The following RGL1 variants were observed in gnomAD, a reference collection of about 807,000 sequenced individuals.
RGL1 encodes the protein ral guanine nucleotide dissociation stimulator-like 1.
In RGL1, 24 loss-of-function variants were observed where a neutral mutation model predicts 95.2. The ratio of observed to expected loss-of-function variants is 0.25; its 90% CI spans 0.18 to 0.35. The LOEUF (loss-of-function observed/expected upper bound fraction) is 0.35. RGL1 is among the 10% of genes least tolerant of loss of function. RGL1 has a pLI of 1.00. For synonymous variants in RGL1, 329 were observed against 344.9 expected, an observed-to-expected ratio of 0.95 and a Z score of 0.51; for missense variants, 715 against 936.3, an observed-to-expected ratio of 0.76 and a Z score of 3.08.
At chr1:183,677,064 T>TTA (rs1280287717) in intron 1 of RGL1, among the ~76,000 whole-genome samples, 1 of 151,854 alleles carries the variant, frequency 6.6e-6, no homozygotes, top group African/African-American at 2.4e-5. Flanking sequence ...AATAGTGTGA[T>TTA]TATATGTCCC....
intron 1 of RGL1, among the ~76,000 whole-genome samples, chr1:183,692,719 A>G (rs973323414): frequency 1.5e-4 from 22 of 151,708 alleles, no homozygotes; most frequent in African/African-American, 5.4e-4. Context: ...TGGAACAAAC[A>G]ACAATCTATT....
At chr1:183,831,213 AT>A (rs1248670347) in intron 2 of RGL1, among the ~76,000 whole-genome samples, 1 of 152,116 alleles carries the variant, frequency 6.6e-6, no homozygotes, top group Non-Finnish European at 1.5e-5. Flanking sequence ...GTACTGCCCA[AT>A]GAAAAGAAGG....
chr1:183,817,657 G>A (rs1409901011), intron 2 of RGL1, among the ~76,000 whole-genome samples: 1 of 152,162 alleles, frequency 6.6e-6, no homozygotes, highest in African/African-American at 2.4e-5. Flanking sequence ...ACTCAGAGCT[G>A]TAACTGAAAA....
intron 9 of RGL1, 147 bp from the exon 10 acceptor site, chr1:183,897,661 T>C: frequency 1.7e-6 from 1 of 581,320 alleles, no homozygotes; most frequent in Non-Finnish European, 3.1e-6. Context: ...ATATACATCG[T>C]GAGAGCCTGC....
At chr1:183,801,180 TAA>T (rs1660972725), upstream of RGL1, among the ~76,000 whole-genome samples, 1 of 150,962 alleles carries the variant, frequency 6.6e-6, no homozygotes, top group Non-Finnish European at 1.5e-5. Context: ...TGTGTGTGTT[TAA>T]TAATGGCCAC....
At chr1:183,797,767 G>A (rs1400519220) in intron 2 of RGL1, among the ~76,000 whole-genome samples, 1 of 152,164 alleles carries the variant, frequency 6.6e-6, no homozygotes, top group Non-Finnish European at 1.5e-5. Flanking sequence ...ATCATAGCTA[G>A]GAACAACCAT....
intron 1 of RGL1, among the ~76,000 whole-genome samples, chr1:183,682,849 C>T (rs1653313731): frequency 6.6e-6 from 1 of 152,038 alleles, no homozygotes; most frequent in African/African-American, 2.4e-5. Flanking sequence ...AATCTAGGTG[C>T]TCTTGTATTG....
At chr1:183,818,075 C>T (rs772754121) in intron 2 of RGL1, among the ~76,000 whole-genome samples, 30 of 152,080 alleles carry the variant, frequency 2.0e-4, no homozygotes, top group Non-Finnish European at 3.7e-4. Flanking sequence ...AGTGTCTGCT[C>T]GAGGGATAAA....
At chr1:183,731,969 T>A (rs1176655210) in intron 1 of RGL1, among the ~76,000 whole-genome samples, 1 of 152,188 alleles carries the variant, frequency 6.6e-6, no homozygotes, top group Non-Finnish European at 1.5e-5. Context: ...TGTTTCGCCC[T>A]GCCCCATACA....
chr1:183,853,502 G>T (rs949666004), intron 3 of RGL1, among the ~76,000 whole-genome samples: 1 of 152,194 alleles, frequency 6.6e-6, no homozygotes, highest in Non-Finnish European at 1.5e-5. Flanking sequence ...GACATTCGGG[G>T]TTTTTAAAGG....
At chr1:183,802,690 CAACA>C (rs1661066329), upstream of RGL1, among the ~76,000 whole-genome samples, 1 of 144,566 alleles carries the variant, frequency 6.9e-6, no homozygotes, top group Admixed American at 7.0e-5. Flanking sequence ...TATATACTAA[CAACA>C]AACAATCTAA....
chr1:183,650,178 A>G (rs557987975), intron 1 of RGL1, among the ~76,000 whole-genome samples: 3 of 152,294 alleles, frequency 2.0e-5, no homozygotes, highest in Admixed American at 1.3e-4. Context: ...TACATATAAT[A>G]TAAACAAAGT....
At chr1:183,754,827 CA>C (rs1209434065) in intron 2 of RGL1, 1 of 152,116 alleles carries the variant, frequency 6.6e-6, no homozygotes, top group Non-Finnish European at 1.5e-5. Context: ...TCACAGAAAA[CA>C]AAGTTTAAAT....
chr1:183,892,435 C>A (rs890958330), intron 9 of RGL1, among the ~76,000 whole-genome samples: 9 of 152,174 alleles, frequency 5.9e-5, no homozygotes, highest in Non-Finnish European at 1.2e-4. Context: ...ACCTCCTTAA[C>A]AAGCTACTCT....
chr1:183,678,657 A>G (rs1479160597), intron 1 of RGL1, among the ~76,000 whole-genome samples: 2 of 150,872 alleles, frequency 1.3e-5, no homozygotes, highest in Non-Finnish European at 2.9e-5. Context: ...GCTGGAGTGC[A>G]GTGGTGTGAT....
chr1:183,818,186 A>G (rs1402020776), intron 2 of RGL1, among the ~76,000 whole-genome samples: 1 of 152,194 alleles, frequency 6.6e-6, no homozygotes, highest in Non-Finnish European at 1.5e-5. Context: ...TGCTCTTGTT[A>G]CAGCAGCAGG....
chr1:183,795,652 C>CTT (rs950145444), intron 2 of RGL1, among the ~76,000 whole-genome samples: 10 of 152,168 alleles, frequency 6.6e-5, no homozygotes, highest in African/African-American at 2.2e-4. Context: ...TATGAAAAGG[C>CTT]TTTAGGCTTT....
chr1:183,793,326 A>AAAACT (rs1253399466), intron 2 of RGL1, among the ~76,000 whole-genome samples: 1 of 152,200 alleles, frequency 6.6e-6, no homozygotes, highest in Non-Finnish European at 1.5e-5. Flanking sequence ...CTAAGACTAT[A>AAAACT]AAACTACTAG....
At chr1:183,706,530 G>A (rs1028480104) in intron 1 of RGL1, among the ~76,000 whole-genome samples, 1 of 152,192 alleles carries the variant, frequency 6.6e-6, no homozygotes, top group African/African-American at 2.4e-5. Flanking sequence ...GGAAGGGATG[G>A]GGGCAGTCCT....
Sources: allele counts gnomAD v4.1 joint callset (sites outside exome capture counted in the v4.1 genomes callset), GRCh38; gene constraint gnomAD v4.1.1; transcripts MANE v1.5; gene names NCBI Gene and HGNC (gene_info 2026-07-23, HGNC 2026-07-21).